Variants in GFRA1 observed in about 807,000 individuals in gnomAD.
GFRA1 encodes the protein GDNF family receptor alpha-1.
GFRA1 carries 16 observed loss-of-function variants against 51.6 expected under a neutral mutation model. The observed-to-expected ratio is 0.31, with a 90% confidence interval of 0.21 to 0.47. The LOEUF is 0.47. GFRA1 is among the 20% of genes least tolerant of loss of function. The pLI is 1.00. For synonymous variants in GFRA1, 270 were observed against 241.3 expected (o/e 1.12, Z -1.10); for missense variants, 530 against 594.3 (o/e 0.89, Z 1.13).
intron 10 of GFRA1, among the ~76,000 whole-genome samples, chr10:116,064,946 T>C (rs544656960): frequency 2.0e-5 from 3 of 152,196 alleles, no homozygotes; most frequent in Admixed American, 2.0e-4. Context: ...ATCCCAGATT[T>C]TATAGATGAG....
rs149788868 is a variant in GFRA1, at chr10:116,099,473, C to A, written c.771-2709G>T. ...TCTCCCATCCCCAGTCACCCTTGTG[C>A]CAAATGAAATGGGGCAATAGCAATT... On this transcript the variant is annotated intron_variant, in intron 6 of 10. Transcript: ENST00000355422. Among the ~76,000 whole-genome samples, 261 of 152,300 alleles carry A rather than the reference C, an allele frequency of 1.7e-3. 1 individual carries two copies. The highest frequency in any genetic ancestry group is 4.7e-3 in the African/African-American group (197 of 41,564).
At chr10:116,096,407 G>GCAGC (rs1297396026) in intron 7 of GFRA1, among the ~76,000 whole-genome samples, 1 of 152,102 alleles carries the variant, frequency 6.6e-6, no homozygotes, top group Non-Finnish European at 1.5e-5. Context: ...CTGCGCACTT[G>GCAGC]CAGCCTCCCC....
At chr10:116,189,090 TAAAAAAAAAAA>T (rs137887314) in intron 5 of GFRA1, among the ~76,000 whole-genome samples, 1 of 112,138 alleles carries the variant, frequency 8.9e-6, no homozygotes, top group African/African-American at 3.4e-5. Context: ...CCTTGTCTCT[TAAAAAAAAAAA>T]AAAAAAAAAA....
chr10:116,077,302 T>C (rs548565965), intron 9 of GFRA1, among the ~76,000 whole-genome samples: 3 of 152,322 alleles, frequency 2.0e-5, no homozygotes, highest in Admixed American at 6.5e-5. Flanking sequence ...ATGTGCTTAA[T>C]TGAGAGGGCA....
chr10:116,117,471 G>T (rs1174174707), intron 6 of GFRA1, among the ~76,000 whole-genome samples: 4 of 147,056 alleles, frequency 2.7e-5, no homozygotes, highest in Non-Finnish European at 6.0e-5. Flanking sequence ...CTTCCTCTCT[G>T]CACTGTAGGT....
At chr10:116,261,972 A>C (rs1251761625) in intron 4 of GFRA1, among the ~76,000 whole-genome samples, 1 of 152,186 alleles carries the variant, frequency 6.6e-6, no homozygotes, top group African/African-American at 2.4e-5. Context: ...TCCTGGATCC[A>C]TACACTTTTA....
chr10:116,204,552 G>C (rs1964581846), intron 5 of GFRA1, among the ~76,000 whole-genome samples: 1 of 152,132 alleles, frequency 6.6e-6, no homozygotes, highest in Non-Finnish European at 1.5e-5. Flanking sequence ...AAATATAAAT[G>C]ATGAGCCTGG....
chr10:116,171,339 C>T (rs1422880285), intron 5 of GFRA1, among the ~76,000 whole-genome samples: 1 of 152,140 alleles, frequency 6.6e-6, no homozygotes, highest in African/African-American at 2.4e-5. Context: ...GCATTTTTAT[C>T]AAACAGACGC....
At chr10:116,158,858 G>T (rs921326401) in intron 5 of GFRA1, among the ~76,000 whole-genome samples, 1 of 152,216 alleles carries the variant, frequency 6.6e-6, no homozygotes, top group African/African-American at 2.4e-5. Flanking sequence ...GGACAGCTCT[G>T]CCAGCAGCGC....
In GFRA1 at chr10:116,272,960, G is replaced by A. The variant is rs1430903289; in HGVS notation, c.-247+203C>T. On this transcript the variant is annotated intron_variant, in intron 1 of 10. Coordinates refer to ENST00000355422, the MANE Select transcript of GFRA1 (RefSeq NM_005264.8). The surrounding 1 kb of genome is among the most constrained non-coding windows in gnomAD (Gnocchi z 4.4). ...TCGGGCGCTTCCGCACCCCAGCCCA[G>A]GGCGAGCGCGCCGGCCCGCAGTCCC... 6.6e-6 allele frequency: 1 copy of A among 152,142 alleles called. No individual in the cohort carries two copies. Among genetic ancestry groups the A allele is most frequent in the African/African-American group, 2.4e-5 (1 of 41,438 alleles). 9.4% of individuals were successfully genotyped at this position (152,142 alleles called of 1,614,324 possible). A position where few individuals can be genotyped will look rare whatever the true frequency, so the allele number is the denominator to read the frequency against.
At chr10:116,149,692 G>A (rs1958984648) in intron 5 of GFRA1, among the ~76,000 whole-genome samples, 1 of 152,124 alleles carries the variant, frequency 6.6e-6, no homozygotes. Context: ...TGATTTAATT[G>A]AGGACATCCA....
Position 116,061,810 on chromosome 10 carries a change from C to A in GFRA1, c.*2588G>T. 2.5e-6 allele frequency: 1 copy of A among 395,546 alleles called. No homozygotes were observed. The highest frequency in any genetic ancestry group is 3.6e-5 in the East Asian group (1 of 27,944). The allele number at this position is 395,546 out of a possible 1,614,324, so 24.5% of individuals were successfully genotyped here. On this transcript the variant is annotated 3_prime_UTR_variant, in exon 11 of 11. Transcript: ENST00000355422. ...CAGGTAAATGATTTAACTTATTGTGCTCCAGTTCTGGGGCAAATGATGGTG... is the reference window on the plus strand; with the variant it reads ...CAGGTAAATGATTTAACTTATTGTGATCCAGTTCTGGGGCAAATGATGGTG...
At chr10:116,137,117 C>G (rs1958359127) in intron 5 of GFRA1, among the ~76,000 whole-genome samples, 1 of 152,174 alleles carries the variant, frequency 6.6e-6, no homozygotes, top group Non-Finnish European at 1.5e-5. Context: ...CTCCCAACAG[C>G]TAGAGCAAAA....
intron 9 of GFRA1, among the ~76,000 whole-genome samples, chr10:116,069,364 C>T (rs1198742313): frequency 6.6e-6 from 1 of 152,076 alleles, no homozygotes; most frequent in Non-Finnish European, 1.5e-5. Flanking sequence ...GAAACACCAC[C>T]ACTGAAATAT....
chr10:116,168,121 T>G (rs1461836423), intron 5 of GFRA1, among the ~76,000 whole-genome samples: 1 of 144,126 alleles, frequency 6.9e-6, no homozygotes, highest in Non-Finnish European at 1.5e-5. Context: ...GAGTCAGTGG[T>G]TCAAACCTTC....
intron 4 of GFRA1, among the ~76,000 whole-genome samples, chr10:116,267,787 T>C (rs1266544686): frequency 6.6e-6 from 1 of 152,180 alleles, no homozygotes; most frequent in Admixed American, 6.5e-5. Context: ...TCCTCTCCAC[T>C]GCTTAAACCA....
chr10:116,145,706 G>A (rs1001076913), intron 5 of GFRA1, among the ~76,000 whole-genome samples: 1 of 152,140 alleles, frequency 6.6e-6, no homozygotes, highest in Admixed American at 6.5e-5. Context: ...AGAATTTAAA[G>A]ACAACAGCTA....
chr10:116,130,764 A>G (rs747682788), intron 5 of GFRA1, among the ~76,000 whole-genome samples: 67 of 152,274 alleles, frequency 4.4e-4, no homozygotes, highest in Non-Finnish European at 1.5e-4. Flanking sequence ...ACTTCATACC[A>G]TACACAAAAA....
chr10:116,092,032 T>TATC (rs1036497378), intron 8 of GFRA1, among the ~76,000 whole-genome samples: 4 of 151,976 alleles, frequency 2.6e-5, no homozygotes, highest in African/African-American at 9.7e-5. Flanking sequence ...GTCATTGCTT[T>TATC]ATCTTCGTTA....
Sources: allele counts gnomAD v4.1 joint callset (sites outside exome capture counted in the v4.1 genomes callset), GRCh38; gene constraint gnomAD v4.1.1; non-coding constraint Gnocchi (gnomAD v3.1); transcripts MANE v1.5; gene names NCBI Gene and HGNC (gene_info 2026-07-23, HGNC 2026-07-21).